The following DMD variants were observed in gnomAD, a reference collection of about 807,000 sequenced individuals.
DMD encodes dystrophin, also known as mutant dystrophin.
Under a neutral mutation model 330.1 loss-of-function variants are expected in DMD, and 63 were observed. That is an observed-to-expected ratio of 0.19 (90% CI 0.16 to 0.24). DMD has a LOEUF of 0.24. Among genes scored for constraint, DMD ranks in the 10% least tolerant of loss-of-function variants. The pLI is 1.00. For synonymous variants in DMD, 1,223 were observed against 959.8 expected (o/e 1.27, Z -5.07); for missense variants, 3,344 against 2,684.1 (o/e 1.25, Z -5.43).
At chrX:32,340,798 T>C (rs2097737747) in intron 41 of DMD, among the ~76,000 whole-genome samples, 1 of 111,992 alleles carries the variant, frequency 8.9e-6, no homozygotes, top group African/African-American at 3.2e-5. Context: ...TATGACACAT[T>C]ACATTCATAA....
chrX:32,539,367 C>T (rs1220779073), intron 17 of DMD, among the ~76,000 whole-genome samples: 3 of 110,667 alleles, frequency 2.7e-5, no homozygotes, highest in African/African-American at 9.8e-5. Context: ...CTCAATTAAC[C>T]TGTAAACATG....
intron 43 of DMD, among the ~76,000 whole-genome samples, chrX:32,242,125 C>T (rs931563614): frequency 1.8e-5 from 2 of 112,133 alleles, no homozygotes; most frequent in East Asian, 5.6e-4. Context: ...TTGGTAACTG[C>T]AACAAGAACT....
intron 2 of DMD, among the ~76,000 whole-genome samples, chrX:32,909,446 T>C (rs1424040162): frequency 9.0e-6 from 1 of 111,644 alleles, no homozygotes; most frequent in Admixed American, 9.6e-5. Context: ...TCTCGCCACG[T>C]CAGAGGAGTG....
intron 63 of DMD, among the ~76,000 whole-genome samples, chrX:31,258,679 T>C (rs1183808752): frequency 1.8e-5 from 2 of 111,824 alleles, no homozygotes; most frequent in Non-Finnish European, 3.8e-5. Flanking sequence ...CAAAATTGAG[T>C]GATGTCACAA....
intron 1 of DMD, among the ~76,000 whole-genome samples, chrX:33,111,907 G>A (rs772101851): frequency 1.2e-4 from 13 of 111,448 alleles, no homozygotes; most frequent in South Asian, 7.5e-4. Context: ...CAGCATGCTT[G>A]GCTTAATGTG....
At chrX:31,889,635 TCTCTCTCTCTCTCA>T (rs1396958833) in intron 47 of DMD, among the ~76,000 whole-genome samples, 6 of 72,119 alleles carry the variant, frequency 8.3e-5, no homozygotes, top group East Asian at 5.0e-4. Context: ...TCTCTCTCTC[TCTCTCTCTCTCTCA>T]CACACACACA....
chrX:31,553,242 G>C (rs903669141), intron 55 of DMD, among the ~76,000 whole-genome samples: 6 of 112,084 alleles, frequency 5.4e-5, no homozygotes, highest in African/African-American at 1.6e-4. Context: ...GGAATAGCAG[G>C]AAGGGTAAAT....
chrX:33,112,200 T>C (rs1043270218), intron 1 of DMD, among the ~76,000 whole-genome samples: 15 of 110,928 alleles, frequency 1.4e-4, no homozygotes, highest in African/African-American at 3.9e-4. Flanking sequence ...ATTGTTATAA[T>C]TGTTCTAATA....
At chrX:32,082,417 T>TATCTATC (rs1291607470) in intron 44 of DMD, among the ~76,000 whole-genome samples, 3 of 109,076 alleles carry the variant, frequency 2.8e-5, no homozygotes, top group Admixed American at 9.9e-5. Flanking sequence ...TCTATCTATC[T>TATCTATC]ATCTATCTAT....
intron 7 of DMD, among the ~76,000 whole-genome samples, chrX:32,736,822 C>T (rs748638783): frequency 7.5e-4 from 82 of 108,755 alleles, no homozygotes; most frequent in East Asian, 6.1e-3. Context: ...TGCTAGATGA[C>T]GAGTTAGTGG....
rs2096766805 is a variant in DMD, at chrX:32,144,001, G to A, written c.6438+72915C>T. ...TTCTGGGTACCTAATAAACTCTTAA[G>A]ACTTGCCCATCTCCCACAAACTGTA... On this transcript the variant is annotated intron_variant, in intron 44 of 78. Transcript: ENST00000357033. Among the ~76,000 whole-genome samples, 5 of 111,357 alleles carry A rather than the reference G, an allele frequency of 4.5e-5. No homozygotes were observed. The Admixed American group carries it at 4.8e-4, about 11-fold the overall frequency.
chrX:32,054,088 TGA>T (rs751524877), intron 44 of DMD, among the ~76,000 whole-genome samples: 2,882 of 69,369 alleles, frequency 0.042, 55 homozygotes, highest in Non-Finnish European at 0.052. Context: ...TGTGTGTGTG[TGA>T]GAGAGAGAGA....
chrX:31,172,673 C>T (rs1406662401), intron 72 of DMD, among the ~76,000 whole-genome samples: 2 of 111,800 alleles, frequency 1.8e-5, no homozygotes, highest in Non-Finnish European at 3.8e-5. Flanking sequence ...ATCAGTCTTG[C>T]TTTCACTGAG....
chrX:31,496,800 G>A lies in DMD; in HGVS notation c.8535C>T (p.Asn2845=), dbSNP rs1302775057. ...AAAAATGTCCTACCCTATGTACATC[G>A]TTCTGCTTCTGAACTGCTGGAAAGT... ...GGDFPAVQKQ[N]DVHRAFKREL... The change falls in exon 57 of 79, where the codon AAC becomes AAT. Residue 2845 remains asparagine (N), a synonymous_variant. Coordinates refer to ENST00000357033, the MANE Select transcript of DMD (RefSeq NM_004006.3). The A allele has an allele frequency of 3.3e-6, 4 of 1,212,001 alleles. No individual in the cohort carries two copies. Among genetic ancestry groups the A allele is most frequent in the Non-Finnish European group, 4.5e-6 (4 of 895,544 alleles).
chrX:32,258,100 A>T (rs1213427632), intron 43 of DMD, among the ~76,000 whole-genome samples: 1 of 111,910 alleles, frequency 8.9e-6, no homozygotes, highest in Non-Finnish European at 1.9e-5. Context: ...AATGCAAATC[A>T]AAACCACAAT....
intron 42 of DMD, among the ~76,000 whole-genome samples, chrX:32,294,099 C>T (rs5927957): frequency 0.047 from 5,188 of 111,428 alleles, 187 homozygotes; most frequent in East Asian, 0.3. Context: ...CCTGGGCAGC[C>T]TGATTTCACA....
At chrX:32,275,723 G>T (rs2097383657) in intron 43 of DMD, among the ~76,000 whole-genome samples, 1 of 111,195 alleles carries the variant, frequency 9.0e-6, no homozygotes. Flanking sequence ...TTTCAAAGAA[G>T]ATCTTGAGGG....
chrX:32,310,958 T>C (rs893153570), intron 41 of DMD, among the ~76,000 whole-genome samples: 14 of 111,093 alleles, frequency 1.3e-4, no homozygotes, highest in African/African-American at 3.6e-4. Context: ...CCTCTTCTCT[T>C]GCACCTACAC....
intron 60 of DMD, among the ~76,000 whole-genome samples, chrX:31,378,204 C>T (rs990593244): frequency 9.0e-6 from 1 of 111,460 alleles, no homozygotes; most frequent in Non-Finnish European, 1.9e-5. Flanking sequence ...CAGGGGACCT[C>T]CCTTGGGAGA....
Sources: allele counts gnomAD v4.1 joint callset (sites outside exome capture counted in the v4.1 genomes callset), GRCh38; gene constraint gnomAD v4.1.1; transcripts MANE v1.5; gene names NCBI Gene and HGNC (gene_info 2026-07-23, HGNC 2026-07-21).